MED12L: variants seen among roughly 807,000 people sequenced by gnomAD.
MED12L encodes mediator of RNA polymerase II transcription subunit 12-like protein.
A neutral mutation model predicts 281.3 loss-of-function variants in MED12L; 60 were observed. The observed-to-expected ratio is 0.21, with a 90% CI of 0.17 to 0.26. MED12L has a LOEUF of 0.26. Ranked by LOEUF, MED12L falls within the 10% of genes least tolerant of loss-of-function variation. The pLI is 1.00. For synonymous variants in MED12L, 974 were observed against 987.2 expected (o/e 0.99, Z 0.25); for missense variants, 2,146 against 2,680.9 (o/e 0.80, Z 4.41).
chr3:151,108,058 C>A (rs1313239926), intron 2 of MED12L, among the ~76,000 whole-genome samples: 1 of 152,120 alleles, frequency 6.6e-6, no homozygotes, highest in East Asian at 1.9e-4. Context: ...GCTGCTTTTT[C>A]GCTTCTCAGG....
chr3:151,214,586 C>T (rs1398525827), intron 16 of MED12L, among the ~76,000 whole-genome samples: 2 of 142,650 alleles, frequency 1.4e-5, no homozygotes, highest in Non-Finnish European at 3.0e-5. Context: ...CTCCTTTCTT[C>T]CTTCTCCCCT....
intron 41 of MED12L, among the ~76,000 whole-genome samples, chr3:151,412,214 C>T (rs1023594523): frequency 6.6e-6 from 1 of 152,146 alleles, no homozygotes; most frequent in African/African-American, 2.4e-5. Context: ...GTGTGACGTG[C>T]ACTGTGTTTA....
intron 16 of MED12L, among the ~76,000 whole-genome samples, chr3:151,347,776 A>C (rs1395461878): frequency 6.6e-6 from 1 of 152,198 alleles, no homozygotes; most frequent in Non-Finnish European, 1.5e-5. Flanking sequence ...TACACGCTTT[A>C]TCCCAGGTTT....
intron 16 of MED12L, among the ~76,000 whole-genome samples, chr3:151,312,512 T>C (rs1747682354): frequency 6.6e-6 from 1 of 152,180 alleles, no homozygotes; most frequent in African/African-American, 2.4e-5. Flanking sequence ...CCCTCTAGAC[T>C]CAAGGACTTG....
rs1201877999 is a variant in MED12L, at chr3:151,376,992, G to T, written c.4130G>T (p.Gly1377Val). Residue 1377 changes from glycine (G) to valine (V), a missense_variant and splice_region_variant, in exon 30 of 45, where the codon GGC (glycine) becomes GTC (valine). Physicochemically the swap from Gly to Val is moderately radical, Grantham distance 109. Coordinates refer to ENST00000687756, the MANE Select transcript of MED12L (RefSeq NM_001393769.1). ...CAGTATTCTTATATCTAACTCTAGG[G>T]CTCTGGTTCTGTGGCCGAAATGAAC... ...LMIKQCLKDPGSGSVAEMNNL... is the reference protein window; with the variant it reads ...LMIKQCLKDPVSGSVAEMNNL... The T allele has an allele frequency of 1.2e-6, 2 of 1,613,632 alleles. No individual in the cohort carries two copies. Among genetic ancestry groups the T allele is most frequent in the Non-Finnish European group, 1.7e-6 (2 of 1,179,766 alleles).
chr3:151,401,069 G>A (rs1715614710), intron 39 of MED12L, among the ~76,000 whole-genome samples: 1 of 152,042 alleles, frequency 6.6e-6, no homozygotes, highest in Admixed American at 6.5e-5. Flanking sequence ...CATAAACATT[G>A]TACAGTATTA....
intron 16 of MED12L, chr3:151,338,741 C>G (rs753397362): frequency 6.2e-7 from 1 of 1,613,518 alleles, no homozygotes; most frequent in Admixed American, 1.7e-5. Flanking sequence ...CAACAAAAAA[C>G]AGGACAGTGT....
chr3:151,190,695 G>C (rs1723859746), intron 13 of MED12L, 22 bp from the exon 14 acceptor site: 2 of 1,608,886 alleles, frequency 1.2e-6, no homozygotes, highest in Non-Finnish European at 1.7e-6. Flanking sequence ...AGGAATTCTT[G>C]ATTGAATTTG....
chr3:151,171,094 A>T (rs1032882470), intron 11 of MED12L, among the ~76,000 whole-genome samples: 1 of 152,140 alleles, frequency 6.6e-6, no homozygotes, highest in Non-Finnish European at 1.5e-5. Flanking sequence ...TTCCTGGTAC[A>T]TGTCTTCTAC....
chr3:151,332,528 T>C (rs1208650545), intron 16 of MED12L, among the ~76,000 whole-genome samples: 1 of 152,198 alleles, frequency 6.6e-6, no homozygotes, highest in African/African-American at 2.4e-5. Flanking sequence ...GTAGAAAATA[T>C]CTACATGTAG....
At chr3:151,216,351 A>G (rs1480912501) in intron 16 of MED12L, among the ~76,000 whole-genome samples, 1 of 152,206 alleles carries the variant, frequency 6.6e-6, no homozygotes, top group African/African-American at 2.4e-5. Flanking sequence ...TGGTGCCAGC[A>G]CAGTGCATAT....
Position 151,435,132 on chromosome 3 carries a change from C to T in MED12L, c.*2328C>T, listed in dbSNP as rs1417086067. 1 of 149,706 alleles carries T rather than the reference C, an allele frequency of 6.7e-6. No homozygotes were observed. The highest frequency in any genetic ancestry group is 1.5e-5 in the Non-Finnish European group (1 of 67,788). 9.3% of individuals were successfully genotyped at this position (149,706 alleles called of 1,614,324 possible). ...GCATTAAGATGGTCACAAGGTAAAG[C>T]CCTGTGGCAGAACCTGGTACTTTAC... On this transcript the variant is annotated 3_prime_UTR_variant, in exon 45 of 45. Transcript: ENST00000687756.
chr3:151,340,017 T>G (rs1560049056), intron 16 of MED12L, among the ~76,000 whole-genome samples: 1 of 152,182 alleles, frequency 6.6e-6, no homozygotes, highest in South Asian at 2.1e-4. Context: ...TTCCCCAAAA[T>G]GTCCATGGAA....
At position 151,375,962 on chromosome 3, in the gene MED12L, A is replaced by G. The variant is rs1439734237; in HGVS notation, c.3865-64A>G. ...TTCAATTATGCACTGTGGATTTAGT[A>G]CATATTGCATATATATATACCGAAA... On this transcript the variant is annotated intron_variant, in intron 27 of 44. Coordinates refer to ENST00000687756, the MANE Select transcript of MED12L (RefSeq NM_001393769.1). 4 of 643,126 alleles carry G rather than the reference A, an allele frequency of 6.2e-6. No homozygotes were observed. The African/African-American group carries it at 7.9e-5, about 13-fold the overall frequency. 39.8% of individuals were successfully genotyped at this position (643,126 alleles called of 1,614,324 possible). A position where few individuals can be genotyped will look rare whatever the true frequency, so the allele number is the denominator to read the frequency against.
chr3:151,174,856 G>A (rs943374598), intron 11 of MED12L, among the ~76,000 whole-genome samples: 6 of 152,038 alleles, frequency 3.9e-5, no homozygotes, highest in African/African-American at 7.2e-5. Flanking sequence ...GCAGGCACAC[G>A]CCACACACCC....
intron 16 of MED12L, among the ~76,000 whole-genome samples, chr3:151,319,184 A>G: frequency 6.6e-6 from 1 of 152,194 alleles, no homozygotes; most frequent in Non-Finnish European, 1.5e-5. Context: ...TTAGTCATGA[A>G]AAAAGTGTAA....
rs1714745063 is a variant in MED12L, at chr3:151,394,813, G to C, written c.5766G>C (p.Gln1922His). The C allele has an allele frequency of 6.2e-7, 1 of 1,613,946 alleles. No individual in the cohort carries two copies. Among genetic ancestry groups the C allele is most frequent in the Non-Finnish European group, 8.5e-7 (1 of 1,179,940 alleles). The stretch of plus-strand genomic sequence containing the variant: ...AGTTGATACAGATGAAGCTTCTGCA[G>C]CAGCAGCAGCAACAGCGACTTCTCA... ...QQQLIQMKLL[Q>H]QQQQQRLLRQ... The change falls in exon 39 of 45, where the codon CAG (glutamine) becomes CAC (histidine). Residue 1922 changes from glutamine to histidine, a missense_variant. Gln to His is a conservative substitution (Grantham distance 24). Coordinates refer to ENST00000687756, the MANE Select transcript of MED12L (RefSeq NM_001393769.1).
chr3:151,141,195 T>TTTTTTTGTTTTTG (rs1560088024), intron 5 of MED12L, among the ~76,000 whole-genome samples: 1 of 146,588 alleles, frequency 6.8e-6, no homozygotes, highest in East Asian at 2.0e-4. Flanking sequence ...TTGTTTTTTT[T>TTTTTTTGTTTTTG]TTTTTGTTAG....
chr3:151,119,267 G>A (rs116377998), intron 3 of MED12L, among the ~76,000 whole-genome samples: 216 of 152,254 alleles, frequency 1.4e-3, no homozygotes, highest in African/African-American at 5.0e-3. Context: ...CTTGGTTAAA[G>A]GGTGTATTAA....
Sources: gnomAD v4.1 joint callset for allele counts (sites outside exome capture counted in the v4.1 genomes callset) on GRCh38, gnomAD v4.1.1 for gene constraint, MANE v1.5 for transcripts, NCBI Gene and HGNC (gene_info 2026-07-23, HGNC 2026-07-21) for gene names.